The following SPAG16 variants were observed in gnomAD, a reference collection of about 807,000 sequenced individuals.
The protein encoded by SPAG16 is sperm-associated antigen 16 protein.
In SPAG16, 86 loss-of-function variants were observed where a neutral mutation model predicts 80.4. The ratio of observed to expected loss-of-function variants is 1.07; its 90% confidence interval spans 0.90 to 1.28. The LOEUF (loss-of-function observed/expected upper bound fraction) is 1.28, where lower values mean the gene tolerates loss of function less well. Among genes scored for constraint, SPAG16 ranks in the 50% most tolerant of loss-of-function variants. The pLI is 0.00. For synonymous variants in SPAG16, 294 were observed against 265.9 expected (o/e 1.11, Z -1.03); for missense variants, 870 against 765.3 (o/e 1.14, Z -1.61).
chr2:213,786,001 C>G (rs1017272364), intron 10 of SPAG16, among the ~76,000 whole-genome samples: 7 of 150,922 alleles, frequency 4.6e-5, no homozygotes, highest in Non-Finnish European at 4.4e-5. Flanking sequence ...GAGCAAAACT[C>G]CGTCTAAAAA....
chr2:214,126,244 G>C (rs142409313), intron 14 of SPAG16, among the ~76,000 whole-genome samples: 1 of 151,090 alleles, frequency 6.6e-6, no homozygotes, highest in Admixed American at 6.8e-5. Context: ...GCTTTCTTTG[G>C]GGGAGAGAAG....
chr2:214,207,642 G>A (rs993782278), intron 15 of SPAG16, among the ~76,000 whole-genome samples: 2 of 152,176 alleles, frequency 1.3e-5, no homozygotes, highest in Non-Finnish European at 2.9e-5. Context: ...ATGGAAGGAT[G>A]CCTAGATAGC....
chr2:213,866,580 T>G (rs1429512241), intron 11 of SPAG16, among the ~76,000 whole-genome samples: 1 of 143,402 alleles, frequency 7.0e-6, no homozygotes, highest in African/African-American at 3.0e-5. Context: ...GAATGGATTT[T>G]GGAACAGCTA....
At chr2:213,366,616 C>G (rs534859038) in intron 8 of SPAG16, among the ~76,000 whole-genome samples, 1 of 152,074 alleles carries the variant, frequency 6.6e-6, no homozygotes, top group African/African-American at 2.4e-5. Context: ...CATGGGAAAA[C>G]CCGCCTCCAT....
intron 9 of SPAG16, among the ~76,000 whole-genome samples, chr2:213,403,373 C>A (rs9678777): frequency 0.26 from 39,442 of 151,884 alleles, 5,925 homozygotes; most frequent in Middle Eastern, 0.44. Context: ...CCCATTCTGT[C>A]GGTTGCCTGT....
Position 214,133,318 on chromosome 2 carries a change from A to G in SPAG16, c.1594-15822A>G, listed in dbSNP as rs1054603625. Among the ~76,000 whole-genome samples the G allele has an allele frequency of 5.3e-5, 8 of 152,228 alleles. No homozygotes were observed. The East Asian group carries it at 1.4e-3, about 26-fold the overall frequency. ...ATCAAAGATGTCTCTGGACATTGCC[A>G]GAAGTCCTCTGGGAAGAAAAAATCA... is the stretch of plus-strand genomic sequence containing the variant. On this transcript the variant is annotated intron_variant, in intron 14 of 15. Transcript: ENST00000331683.
intron 15 of SPAG16, among the ~76,000 whole-genome samples, chr2:214,188,006 G>C (rs1378341592): frequency 6.6e-6 from 1 of 152,088 alleles, no homozygotes; most frequent in Non-Finnish European, 1.5e-5. Flanking sequence ...TATTGCAGCA[G>C]TTCCATCCAG....
At chr2:213,365,969 C>T (rs1489616099) in intron 8 of SPAG16, among the ~76,000 whole-genome samples, 2 of 149,474 alleles carry the variant, frequency 1.3e-5, no homozygotes, top group Admixed American at 1.3e-4. Context: ...GGTGAAACCC[C>T]GTCTCTACTA....
chr2:213,731,057 G>T (rs2067008602), intron 10 of SPAG16, among the ~76,000 whole-genome samples: 1 of 149,924 alleles, frequency 6.7e-6, no homozygotes, highest in African/African-American at 2.5e-5. Context: ...TTCTATTTTT[G>T]CATATTTTCT....
chr2:214,383,275 A>C (rs1347889937), intron 15 of SPAG16, among the ~76,000 whole-genome samples: 1 of 152,136 alleles, frequency 6.6e-6, no homozygotes, highest in Non-Finnish European at 1.5e-5. Flanking sequence ...GGCCCCCAAA[A>C]GATTTACTTA....
At chr2:213,295,578 G>A (rs1055548491) in intron 1 of SPAG16, among the ~76,000 whole-genome samples, 13 of 151,654 alleles carry the variant, frequency 8.6e-5, no homozygotes, top group Non-Finnish European at 1.5e-4. Context: ...TTAAATATTG[G>A]CGTGCATTTG....
chr2:214,370,845 G>A (rs1163325561), intron 15 of SPAG16, among the ~76,000 whole-genome samples: 1 of 152,040 alleles, frequency 6.6e-6, no homozygotes, highest in African/African-American at 2.4e-5. Context: ...TTTCTCATAG[G>A]CATACGTTAG....
At chr2:213,518,690 A>C (rs1041086318) in intron 10 of SPAG16, among the ~76,000 whole-genome samples, 1 of 152,212 alleles carries the variant, frequency 6.6e-6, no homozygotes, top group South Asian at 2.1e-4. Context: ...TTCTGAAAGA[A>C]CTTAAAACGA....
chr2:214,295,727 G>T (rs1017489162), intron 15 of SPAG16, among the ~76,000 whole-genome samples: 20 of 152,002 alleles, frequency 1.3e-4, no homozygotes, highest in Non-Finnish European at 2.6e-4. Context: ...GGAGGCGGAG[G>T]TTGCAGTGAG....
At chr2:214,258,471 G>GTGTGTGTGTATATATATATATATA (rs1553539128) in intron 15 of SPAG16, among the ~76,000 whole-genome samples, 129 of 141,430 alleles carry the variant, frequency 9.1e-4, no homozygotes, top group African/African-American at 3.2e-3. Flanking sequence ...ATGTGTGTGT[G>GTGTGTGTGTATATATATATATATA]TATATATATA....
chr2:214,163,676 A>G (rs1261044302), intron 15 of SPAG16, among the ~76,000 whole-genome samples: 2 of 151,582 alleles, frequency 1.3e-5, no homozygotes, highest in African/African-American at 4.8e-5. Flanking sequence ...GAAAAGATTT[A>G]TTTTAAGGAA....
chr2:214,167,778 A>T (rs1443335375), intron 15 of SPAG16, among the ~76,000 whole-genome samples: 1 of 151,470 alleles, frequency 6.6e-6, no homozygotes, highest in Non-Finnish European at 1.5e-5. Context: ...TATATATTTG[A>T]TAATATAATG....
At chr2:214,035,787 C>A (rs2048665187) in intron 13 of SPAG16, among the ~76,000 whole-genome samples, 1 of 152,178 alleles carries the variant, frequency 6.6e-6, no homozygotes, top group African/African-American at 2.4e-5. Context: ...AGCCCACATC[C>A]ACAGCCATGG....
intron 12 of SPAG16, among the ~76,000 whole-genome samples, chr2:213,971,137 T>C (rs1259877020): frequency 1.3e-5 from 2 of 152,168 alleles, no homozygotes; most frequent in Admixed American, 6.5e-5. Context: ...ATATAGTTTA[T>C]TTCAAAACTT....
Sources: allele counts gnomAD v4.1 joint callset (sites outside exome capture counted in the v4.1 genomes callset), GRCh38; gene constraint gnomAD v4.1.1; transcripts MANE v1.5; gene names NCBI Gene and HGNC (gene_info 2026-07-23, HGNC 2026-07-21).